Variants in PRKCH observed in about 807,000 individuals in gnomAD.
PRKCH encodes the protein protein kinase C eta.
A neutral mutation model predicts 82.5 loss-of-function variants in PRKCH; 28 were observed. The ratio of observed to expected loss-of-function variants is 0.34; its 90% CI spans 0.25 to 0.47. PRKCH has a LOEUF of 0.47. PRKCH is among the 20% of genes least tolerant of loss of function. PRKCH has a pLI of 1.00. For synonymous variants in PRKCH, 322 were observed against 327.4 expected (o/e 0.98, Z 0.18); for missense variants, 705 against 881.8 (o/e 0.80, Z 2.54).
intron 10 of PRKCH, among the ~76,000 whole-genome samples, chr14:61,507,423 C>T (rs990313057): frequency 6.6e-6 from 1 of 152,114 alleles, no homozygotes; most frequent in Non-Finnish European, 1.5e-5. Context: ...CCCAGCAATC[C>T]CATTCCTGGA....
At chr14:61,464,994 C>T (rs532429233) in intron 9 of PRKCH, among the ~76,000 whole-genome samples, 1 of 152,278 alleles carries the variant, frequency 6.6e-6, no homozygotes, top group Non-Finnish European at 1.5e-5. Context: ...AACTAATTTA[C>T]ATTCCCACCA....
intron 1 of PRKCH, among the ~76,000 whole-genome samples, chr14:61,357,274 G>A (rs935052621): frequency 5.9e-5 from 9 of 152,074 alleles, no homozygotes; most frequent in Admixed American, 4.6e-4. Flanking sequence ...TCTTCTTAAG[G>A]CCTCTCCACC....
At chr14:61,542,335 G>A (rs912494779) in intron 12 of PRKCH, among the ~76,000 whole-genome samples, 22 of 148,994 alleles carry the variant, frequency 1.5e-4, no homozygotes, top group Admixed American at 4.7e-4. Context: ...TTGTATTCTC[G>A]TTTTAAGATT....
At chr14:61,498,487 C>T (rs1225208819) in intron 10 of PRKCH, among the ~76,000 whole-genome samples, 1 of 152,154 alleles carries the variant, frequency 6.6e-6, no homozygotes, top group Non-Finnish European at 1.5e-5. Flanking sequence ...TTGTCTTAGT[C>T]TGCTCAGTAC....
chr14:61,541,256 C>A (rs1446479620), intron 12 of PRKCH, among the ~76,000 whole-genome samples: 1 of 152,284 alleles, frequency 6.6e-6, no homozygotes, highest in Non-Finnish European at 1.5e-5. Flanking sequence ...CAGCATCCTT[C>A]AGACAGACAC....
chr14:61,480,564 G>A (rs978098123), intron 9 of PRKCH, among the ~76,000 whole-genome samples: 6 of 152,146 alleles, frequency 3.9e-5, no homozygotes, highest in Admixed American at 2.0e-4. Flanking sequence ...AGCTGATGTT[G>A]TTTTATTCTA....
chr14:61,352,662 G>A (rs28644449), intron 1 of PRKCH, among the ~76,000 whole-genome samples: 11 of 135,976 alleles, frequency 8.1e-5, no homozygotes, highest in African/African-American at 1.4e-4. Context: ...GAAAGAAAGA[G>A]AGAGAGAGAG....
At chr14:61,290,781 T>C (rs1034902280) in intron 1 of PRKCH, among the ~76,000 whole-genome samples, 20 of 152,158 alleles carry the variant, frequency 1.3e-4, no homozygotes, top group Admixed American at 1.2e-3. Flanking sequence ...CAAGATTAAG[T>C]ATCCTTCAGT....
intron 10 of PRKCH, 51 bp downstream of exon 10, chr14:61,485,707 C>G: frequency 6.4e-7 from 1 of 1,559,602 alleles, no homozygotes; most frequent in Non-Finnish European, 8.8e-7. Context: ...CTTCCCTCTC[C>G]TGGTATGATC....
chr14:61,477,714 T>C (rs1274264969), intron 9 of PRKCH, among the ~76,000 whole-genome samples: 1 of 152,224 alleles, frequency 6.6e-6, no homozygotes, highest in East Asian at 1.9e-4. Flanking sequence ...AATCTAGTTT[T>C]GTAACCCCTT....
chr14:61,483,117 C>G (rs904574215), intron 9 of PRKCH, among the ~76,000 whole-genome samples: 2 of 152,216 alleles, frequency 1.3e-5, no homozygotes, highest in Non-Finnish European at 2.9e-5. Context: ...GGCTTTTTGT[C>G]TTAGTCTTCC....
chr14:61,389,093 T>A (rs147311601), intron 1 of PRKCH, among the ~76,000 whole-genome samples: 2 of 152,320 alleles, frequency 1.3e-5, no homozygotes, highest in East Asian at 3.9e-4. Flanking sequence ...TCTTTGAGAT[T>A]GGCTGGGCAT....
intron 1 of PRKCH, among the ~76,000 whole-genome samples, chr14:61,205,601 G>GCTTCCCACCTCCT (rs1271487099): frequency 6.6e-6 from 1 of 152,170 alleles, no homozygotes; most frequent in African/African-American, 2.4e-5. Context: ...CGTGCTGACA[G>GCTTCCCACCTCCT]CTTCCCACCT....
chr14:61,536,264 C>T (rs1006865286), intron 12 of PRKCH, among the ~76,000 whole-genome samples: 5 of 152,216 alleles, frequency 3.3e-5, no homozygotes, highest in African/African-American at 1.2e-4. Context: ...TCTATGCCTT[C>T]TCAAGAAGTG....
chr14:61,418,678 G>C (rs1423580361), intron 2 of PRKCH, among the ~76,000 whole-genome samples: 9 of 152,282 alleles, frequency 5.9e-5, no homozygotes, highest in South Asian at 2.1e-4. Flanking sequence ...GTTGGACCCT[G>C]GGTTTTGCCT....
chr14:61,334,263 C>G (rs2045825382), intron 1 of PRKCH, among the ~76,000 whole-genome samples: 1 of 152,090 alleles, frequency 6.6e-6, no homozygotes, highest in Non-Finnish European at 1.5e-5. Flanking sequence ...AACGCAAGAC[C>G]CAGCATCTCG....
chr14:61,334,998 C>A (rs2045837980), intron 1 of PRKCH, among the ~76,000 whole-genome samples: 1 of 152,018 alleles, frequency 6.6e-6, no homozygotes, highest in South Asian at 2.1e-4. Flanking sequence ...CACTCCTAGC[C>A]TGGTTGCTTT....
chr14:61,188,053 C>T (rs1248886157), intron 1 of PRKCH, among the ~76,000 whole-genome samples: 9 of 152,274 alleles, frequency 5.9e-5, no homozygotes, highest in African/African-American at 2.2e-4. Flanking sequence ...ATAGGACAAC[C>T]CTTTTGAGTT....
At chr14:61,288,975 G>T (rs1264958717) in intron 1 of PRKCH, among the ~76,000 whole-genome samples, 1 of 152,206 alleles carries the variant, frequency 6.6e-6, no homozygotes, top group Non-Finnish European at 1.5e-5. Context: ...CCTTCTCTCT[G>T]CATTGTCTTG....
Sources: allele counts gnomAD v4.1 joint callset (sites outside exome capture counted in the v4.1 genomes callset), GRCh38; gene constraint gnomAD v4.1.1; transcripts MANE v1.5; gene names NCBI Gene and HGNC (gene_info 2026-07-23, HGNC 2026-07-21).